CCR6: variants seen among roughly 807,000 people sequenced by gnomAD.
CCR6 encodes C-C motif chemokine receptor 6.
CCR6 carries 2 observed loss-of-function variants against 3.0 expected under a neutral mutation model. That is an observed-to-expected ratio of 0.66 (90% CI 0.27 to 2.07). The LOEUF is 2.07. CCR6 is among the 30% of genes most tolerant of loss of function. The probability of loss-of-function intolerance (pLI) is 0.14; values close to 1 mark genes in which losing one functional copy is unlikely to be tolerated. For missense variants in CCR6, 322 were observed against 462.8 expected (o/e 0.70, Z 2.79); for synonymous variants, 193 against 184.3 (o/e 1.05, Z -0.38).
rs1188778668 is a variant in CCR6, at chr6:167,133,964, A to ATATATATG, written c.-97-2068_-97-2067insTGTATATA. Among the ~76,000 whole-genome samples the ATATATATG allele has an allele frequency of 7.0e-4, 78 of 111,814 alleles. No homozygotes were observed. The East Asian group carries it at 7.4e-3, about 11-fold the overall frequency. 73.4% of individuals were successfully genotyped at this position (111,814 alleles called of 152,430 possible). Reference sequence around the variant, plus strand: ...TATATATATATATATATATATATATATATATAGTTTTAACATCCAAATGGT... The same window carrying ATATATATG: ...TATATATATATATATATATATATATATATATATGTATATAGTTTTAACATCCAAATGGT... On this transcript the variant is annotated intron_variant, in intron 1 of 2. Coordinates refer to ENST00000341935, the MANE Select transcript of CCR6 (RefSeq NM_031409.4).
At chr6:167,135,151 T>G (rs186831017) in intron 1 of CCR6, 1 of 152,374 alleles carries the variant, frequency 6.6e-6, no homozygotes, top group East Asian at 1.9e-4. Context: ...GGCTCATGAC[T>G]CAGGACTGCT....
At chr6:167,133,108 A>G (rs1344517847) in intron 1 of CCR6, among the ~76,000 whole-genome samples, 1 of 152,204 alleles carries the variant, frequency 6.6e-6, no homozygotes, top group African/African-American at 2.4e-5. Flanking sequence ...AAAGAGCAGA[A>G]GTTTTACATT....
chr6:167,124,854 T>C (rs1305690658), intron 1 of CCR6, among the ~76,000 whole-genome samples: 5 of 151,418 alleles, frequency 3.3e-5, no homozygotes, highest in African/African-American at 1.2e-4. Context: ...CGTCCATATG[T>C]ACACACACAC....
chr6:167,120,418 A>G (rs781444878), upstream of CCR6, among the ~76,000 whole-genome samples: 2 of 152,228 alleles, frequency 1.3e-5, no homozygotes, highest in Non-Finnish European at 2.9e-5. Flanking sequence ...ACTGACACCC[A>G]GATGACCAAT....
intron 1 of CCR6, chr6:167,112,096 A>G (rs1039425070): frequency 6.6e-6 from 1 of 152,212 alleles, no homozygotes; most frequent in African/African-American, 2.4e-5. Flanking sequence ...TGGAGGTAAT[A>G]GAGTATTACA....
chr6:167,134,153 G>A lies in CCR6; in HGVS notation c.-97-1885G>A, dbSNP rs1377165407. ...CCTGTGATGCCTAGTGCCGAGGTCTGAAAATGGTTGTTACATTTTGTAGGT... is the reference window on the plus strand; with the variant it reads ...CCTGTGATGCCTAGTGCCGAGGTCTAAAAATGGTTGTTACATTTTGTAGGT... On this transcript the variant is annotated intron_variant, in intron 1 of 2. Coordinates refer to ENST00000341935, the MANE Select transcript of CCR6 (RefSeq NM_031409.4). Among the ~76,000 whole-genome samples, 3 of 151,918 alleles carry A rather than the reference G, an allele frequency of 2.0e-5. 1 individual carries two copies. The highest frequency in any genetic ancestry group is 7.3e-5 in the African/African-American group (3 of 41,308).
intron 1 of CCR6, among the ~76,000 whole-genome samples, chr6:167,133,242 C>A (rs1334614791): frequency 6.6e-6 from 1 of 152,136 alleles, no homozygotes; most frequent in African/African-American, 2.4e-5. Flanking sequence ...ATGTTTTATG[C>A]TTTAGCTCTC....
At chr6:167,125,465 A>G (rs1000655492) in intron 1 of CCR6, among the ~76,000 whole-genome samples, 2 of 151,960 alleles carry the variant, frequency 1.3e-5, no homozygotes. Flanking sequence ...TGCTACCACC[A>G]CAGAGCCAGC....
rs1781850033 is a variant in CCR6, at chr6:167,136,356, G to C, written c.126G>C (p.Arg42Ser). 1.9e-6 allele frequency: 3 copies of C among 1,614,042 alleles called. No homozygotes were observed. Among genetic ancestry groups the C allele is most frequent in the Non-Finnish European group, 2.5e-6 (3 of 1,180,030 alleles). Reference protein sequence around the residue: ...EMLLCSLQEVRQFSRLFVPIA... With the variant: ...EMLLCSLQEVSQFSRLFVPIA... The stretch of plus-strand genomic sequence containing the variant: ...TACTGTGCTCCTTGCAGGAGGTCAG[G>C]CAGTTCTCCAGGCTATTTGTACCGA... Residue 42 changes from arginine to serine, a missense_variant, in exon 3 of 3, where the codon AGG becomes AGC. Transcript: ENST00000341935. This position sits in a 1 kb window ranked among gnomAD's most constrained non-coding sequence, Gnocchi z 4.6.
intron 1 of CCR6, among the ~76,000 whole-genome samples, chr6:167,124,230 C>A (rs1781632302): frequency 7.9e-6 from 1 of 126,794 alleles, no homozygotes; most frequent in Admixed American, 7.8e-5. Flanking sequence ...AAACAGAAAA[C>A]ATAAAAGCAA....
intron 1 of CCR6, chr6:167,126,271 G>C (rs1392242876): frequency 6.6e-6 from 1 of 152,184 alleles, no homozygotes; most frequent in East Asian, 1.9e-4. Context: ...ATCATTATTT[G>C]CCTCTAAGTA....
intron 1 of CCR6, among the ~76,000 whole-genome samples, chr6:167,133,932 G>GTATATATA (rs6149918): frequency 0.015 from 1,594 of 109,842 alleles, 113 homozygotes; most frequent in African/African-American, 0.057. Context: ...ATATATGTGT[G>GTATATATA]TATATATATA....
intron 1 of CCR6, among the ~76,000 whole-genome samples, chr6:167,125,879 G>C (rs1201572083): frequency 6.6e-6 from 1 of 152,126 alleles, no homozygotes; most frequent in Non-Finnish European, 1.5e-5. Flanking sequence ...TAAATGCTAT[G>C]TAAGAAATAT....
intron 1 of CCR6, chr6:167,127,354 C>T (rs1571878): frequency 0.61 from 92,181 of 151,942 alleles, 28,239 homozygotes; most frequent in African/African-American, 0.69. Flanking sequence ...TGAAGGGCCA[C>T]TGATAAACAA....
intron 1 of CCR6, among the ~76,000 whole-genome samples, chr6:167,131,942 G>A (rs1207753019): frequency 6.6e-6 from 1 of 152,162 alleles, no homozygotes; most frequent in Non-Finnish European, 1.5e-5. Flanking sequence ...CAGGATAGAG[G>A]ACATTTCTGC....
In CCR6 at chr6:167,136,097, C is replaced by A. The variant is rs773564155; in HGVS notation, c.-38C>A. ...AGCTGAAGGGGCTGAACCATACACT[C>A]CTTTTTCTACAACCAGCTTGCATTT... On this transcript the variant is annotated 5_prime_UTR_variant, in exon 2 of 3. Transcript: ENST00000341935. The surrounding 1 kb of genome is among the most constrained non-coding windows in gnomAD (Gnocchi z 4.6). The A allele has an allele frequency of 6.2e-7, 1 of 1,612,070 alleles. No individual in the cohort carries two copies.
Position 167,123,157 on chromosome 6 carries a change from A to C in CCR6, c.-164A>C, listed in dbSNP as rs1181766800. The stretch of plus-strand genomic sequence containing the variant: ...TTGACAGATGGTCATCACATTGGTG[A>C]GCTGGAGTCATCAGATTGTGGGGCC... On this transcript the variant is annotated 5_prime_UTR_variant, in exon 1 of 3. Coordinates refer to ENST00000341935, the MANE Select transcript of CCR6 (RefSeq NM_031409.4). 2.0e-5 allele frequency: 3 copies of C among 152,736 alleles called. No individual in the cohort carries two copies. Among genetic ancestry groups the C allele is most frequent in the Non-Finnish European group, 4.4e-5 (3 of 68,036 alleles). The allele number at this position is 152,736 out of a possible 1,614,324, so 9.5% of individuals were successfully genotyped here. A position where few individuals can be genotyped will look rare whatever the true frequency, so the allele number is the denominator to read the frequency against.
At chr6:167,131,074 G>T (rs1339609219) in intron 1 of CCR6, 1 of 142,856 alleles carries the variant, frequency 7.0e-6, no homozygotes, top group Non-Finnish European at 1.5e-5. Flanking sequence ...TCCTTCTGCC[G>T]ACAGGGATCC....
intron 1 of CCR6, chr6:167,126,508 C>G (rs1781671048): frequency 6.6e-6 from 1 of 152,300 alleles, no homozygotes; most frequent in Non-Finnish European, 1.5e-5. Flanking sequence ...TTGCCACATT[C>G]CCTGGGTCAG....
Sources: allele counts gnomAD v4.1 joint callset (sites outside exome capture counted in the v4.1 genomes callset), GRCh38; gene constraint gnomAD v4.1.1; non-coding constraint Gnocchi (gnomAD v3.1); transcripts MANE v1.5; gene names NCBI Gene and HGNC (gene_info 2026-07-23, HGNC 2026-07-21).